Variants in NDUFC2 observed in about 807,000 individuals in gnomAD.
NDUFC2 encodes the protein NADH:ubiquinone oxidoreductase subunit C2.
Under a neutral mutation model 10.1 loss-of-function variants are expected in NDUFC2, and 2 were observed. That is an observed-to-expected ratio of 0.20 (90% CI 0.08 to 0.62). The LOEUF is 0.62. Ranked by LOEUF, NDUFC2 falls within the 20% of genes least tolerant of loss-of-function variation. The pLI, the probability that NDUFC2 is intolerant of heterozygous loss-of-function variation, is 0.87. For missense variants in NDUFC2, 156 were observed against 159.6 expected, an observed-to-expected ratio of 0.98 and a Z score of 0.12; for synonymous variants, 61 against 63.6, an observed-to-expected ratio of 0.96 and a Z score of 0.20.
In NDUFC2 at chr11:78,069,434, G is replaced by C. The variant is rs147449505; in HGVS notation, c.*553C>G. On this transcript the variant is annotated 3_prime_UTR_variant, in exon 3 of 3. Transcript: ENST00000281031. Reference sequence around the variant, plus strand: ...ATAGACAGCTCAGAAATACAAACCTGACTGTATGATTTAAAACGCCTTAAT... The same window carrying C: ...ATAGACAGCTCAGAAATACAAACCTCACTGTATGATTTAAAACGCCTTAAT... The C allele has an allele frequency of 1.4e-3, 220 of 162,168 alleles. No homozygotes were observed. Among genetic ancestry groups the C allele is most frequent in the Non-Finnish European group, 2.4e-3 (177 of 75,268 alleles). The allele number at this position is 162,168 out of a possible 1,614,324, so 10.0% of individuals were successfully genotyped here.
rs563059533 is a variant in NDUFC2, at chr11:78,077,109, T to C, written c.166+2470A>G. 2.0e-5 allele frequency among the ~76,000 whole-genome samples: 3 copies of C among 152,216 alleles called. No individual in the cohort carries two copies. In the East Asian group the frequency reaches 5.8e-4, roughly 29 times the overall value. ...AAGTTTGAGACCAGCCTGGCCAAGATGGCAAGACCCCATCTCTACAAAAAA... is the reference window on the plus strand; with the variant it reads ...AAGTTTGAGACCAGCCTGGCCAAGACGGCAAGACCCCATCTCTACAAAAAA... On this transcript the variant is annotated intron_variant, in intron 1 of 2. Coordinates refer to ENST00000281031, the MANE Select transcript of NDUFC2 (RefSeq NM_004549.6).
At chr11:78,077,306 G>A (rs184050956) in intron 1 of NDUFC2, among the ~76,000 whole-genome samples, 110 of 151,830 alleles carry the variant, frequency 7.2e-4, no homozygotes, top group Non-Finnish European at 1.2e-3. Context: ...AAAAAAAAAG[G>A]GTTCTGTAAA....
At chr11:78,071,892 AATG>A (rs1470510944) in intron 2 of NDUFC2, among the ~76,000 whole-genome samples, 1 of 152,224 alleles carries the variant, frequency 6.6e-6, no homozygotes, top group Non-Finnish European at 1.5e-5. Flanking sequence ...TCACCAGGCA[AATG>A]ATGAGTGATG....
At chr11:78,070,128 G>A (rs1036434798) in intron 2 of NDUFC2, 92 bp from the exon 3 acceptor site, 38 of 842,960 alleles carry the variant, frequency 4.5e-5, no homozygotes, top group Non-Finnish European at 6.0e-5. Context: ...CTAATCTTAT[G>A]ATTGAAATCC....
chr11:78,070,820 C>T (rs1278318389), intron 2 of NDUFC2, among the ~76,000 whole-genome samples: 1 of 152,172 alleles, frequency 6.6e-6, no homozygotes, highest in Non-Finnish European at 1.5e-5. Context: ...GCTCTTGGCA[C>T]AACTGCCACT....
rs558563933 is a variant in NDUFC2, at chr11:78,074,811, A to G, written c.167-1670T>C. Among the ~76,000 whole-genome samples, 214 of 152,352 alleles carry G rather than the reference A, an allele frequency of 1.4e-3. 1 individual carries two copies. The highest frequency in any genetic ancestry group is 5.0e-3 in the African/African-American group (207 of 41,588). On this transcript the variant is annotated intron_variant, in intron 1 of 2. Transcript: ENST00000281031. ...TTCCATAATGGGCTACCCGCCATATAGCAAACCAAAGAGTGCATGTTCTCC... is the reference window on the plus strand; with the variant it reads ...TTCCATAATGGGCTACCCGCCATATGGCAAACCAAAGAGTGCATGTTCTCC...
At chr11:78,070,188 T>A in intron 2 of NDUFC2, 152 bp from the exon 3 acceptor site, 1 of 654,054 alleles carries the variant, frequency 1.5e-6, no homozygotes. Context: ...AATTGAAATG[T>A]AACCCCCAAG....
In NDUFC2 at chr11:78,069,801, G is replaced by C; in HGVS notation, c.*186C>G. The stretch of plus-strand genomic sequence containing the variant: ...TCTTTCAGATGGGTGAATGGAAACT[G>C]ACCATTCTCTGATGATGAACTATTT... On this transcript the variant is annotated 3_prime_UTR_variant, in exon 3 of 3. Transcript: ENST00000281031. The C allele has an allele frequency of 7.5e-7, 1 of 1,341,824 alleles. No individual in the cohort carries two copies. Among genetic ancestry groups the C allele is most frequent in the African/African-American group, 1.5e-5 (1 of 68,368 alleles). 83.1% of individuals were successfully genotyped at this position (1,341,824 alleles called of 1,614,324 possible). A position where few individuals can be genotyped will look rare whatever the true frequency, so the allele number is the denominator to read the frequency against.
intron 2 of NDUFC2, among the ~76,000 whole-genome samples, chr11:78,071,763 T>C (rs2079234285): frequency 6.6e-6 from 1 of 152,060 alleles, no homozygotes; most frequent in Non-Finnish European, 1.5e-5. Context: ...ACTGAGATAA[T>C]AAAAGCAGAA....
At chr11:78,076,482 A>G (rs778512013) in intron 1 of NDUFC2, among the ~76,000 whole-genome samples, 7 of 152,218 alleles carry the variant, frequency 4.6e-5, no homozygotes, top group Non-Finnish European at 2.9e-5. Flanking sequence ...GATATTAGAC[A>G]CTGAGCTAGA....
intron 2 of NDUFC2, among the ~76,000 whole-genome samples, chr11:78,071,980 A>G (rs186744943): frequency 9.7e-4 from 147 of 152,290 alleles, no homozygotes; most frequent in African/African-American, 3.4e-3. Flanking sequence ...TGTAGGCTCT[A>G]TACAAGAGGC....
chr11:78,078,882 G>A (rs145808323), intron 1 of NDUFC2, among the ~76,000 whole-genome samples: 4 of 140,970 alleles, frequency 2.8e-5, no homozygotes, highest in Non-Finnish European at 6.2e-5. Context: ...GCACCACCAC[G>A]CCCGGCTAAC....
rs556789614 is a variant in NDUFC2, at chr11:78,070,034, T to C, written c.313A>G (p.Lys105Glu). 3 of 1,561,010 alleles carry C rather than the reference T, an allele frequency of 1.9e-6. No individual in the cohort carries two copies. Among genetic ancestry groups the C allele is most frequent in the Non-Finnish European group, 2.6e-6 (3 of 1,137,098 alleles). The part of the protein sequence containing the change: ...LHPEDFPEED[K>E]KTYGEIFEKF... ...TCAAAAATTTCACCATATGTTTTCTTATCTATAAAAGGAAAGATCATAAAA... is the reference window on the plus strand; with the variant it reads ...TCAAAAATTTCACCATATGTTTTCTCATCTATAAAAGGAAAGATCATAAAA... Residue 105 changes from lysine to glutamate, a missense_variant and splice_region_variant, in exon 3 of 3, where the codon AAG becomes GAG. By Grantham distance (56) the Lys-to-Glu change is moderately conservative. Transcript: ENST00000281031.
At chr11:78,078,438 C>T (rs1379919201) in intron 1 of NDUFC2, among the ~76,000 whole-genome samples, 2 of 152,218 alleles carry the variant, frequency 1.3e-5, no homozygotes, top group Non-Finnish European at 2.9e-5. Flanking sequence ...AGAAAGCTGT[C>T]TGTCTCTCAG....
intron 1 of NDUFC2, 46 bp downstream of exon 1, chr11:78,079,533 T>C: frequency 6.5e-7 from 1 of 1,542,346 alleles, no homozygotes; most frequent in East Asian, 2.5e-5. Context: ...TCTGCAGCCC[T>C]ACGACCCCTT....
At chr11:78,072,283 T>C (rs1211072872) in intron 2 of NDUFC2, among the ~76,000 whole-genome samples, 1 of 152,230 alleles carries the variant, frequency 6.6e-6, no homozygotes, top group African/African-American at 2.4e-5. Flanking sequence ...GTTCAAGCGA[T>C]TCTCCTGCCT....
Position 78,073,218 on chromosome 11 carries a change from G to A in NDUFC2, c.167-77C>T, listed in dbSNP as rs1241308115. 2.2e-5 allele frequency: 35 copies of A among 1,601,286 alleles called. No homozygotes were observed. In the South Asian group the frequency reaches 3.1e-4, roughly 14 times the overall value. On this transcript the variant is annotated intron_variant, in intron 1 of 2. Transcript: ENST00000281031. Reference sequence around the variant, plus strand: ...TTAAGAGTTACATTTTTGGCTGGACGCAGTGGCTCACACCTGTAATCCCAG... The same window carrying A: ...TTAAGAGTTACATTTTTGGCTGGACACAGTGGCTCACACCTGTAATCCCAG...
At chr11:78,076,984 C>T (rs1348840173) in intron 1 of NDUFC2, among the ~76,000 whole-genome samples, 1 of 152,150 alleles carries the variant, frequency 6.6e-6, no homozygotes, top group East Asian at 1.9e-4. Context: ...CTCCATAGGG[C>T]ACATAACAGA....
At position 78,079,706 on chromosome 11, in the gene NDUFC2, C is replaced by T. The variant is rs921401795; in HGVS notation, c.39G>A (p.Leu13=). 3.7e-6 allele frequency: 6 copies of T among 1,610,344 alleles called. No homozygotes were observed. The African/African-American group carries it at 5.4e-5, about 14-fold the overall frequency. The change falls in exon 1 of 3, where the codon CTG becomes CTA. Residue 13 remains leucine, a synonymous_variant. Coordinates refer to ENST00000281031, the MANE Select transcript of NDUFC2 (RefSeq NM_004549.6). ...ARRNPEPLRF[L]PDEARSLPPP... is the part of the protein sequence containing the mutation. ...GGGGCAGGCTCCGGGCCTCATCCGG[C>T]AGAAACCGTAAGGGTTCTGGGTTCC...
Sources: gnomAD v4.1 joint callset for allele counts (sites outside exome capture counted in the v4.1 genomes callset) on GRCh38, gnomAD v4.1.1 for gene constraint, MANE v1.5 for transcripts, NCBI Gene and HGNC (gene_info 2026-07-23, HGNC 2026-07-21) for gene names.